Variants in CCND3 observed in about 807,000 individuals in gnomAD.
CCND3 encodes G1/S-specific cyclin-D3.
CCND3 carries 9 observed loss-of-function variants against 28.7 expected under a neutral mutation model. The ratio of observed to expected loss-of-function variants is 0.31; its 90% CI spans 0.19 to 0.55. The LOEUF (loss-of-function observed/expected upper bound fraction) is 0.55, where lower values mean the gene tolerates loss of function less well. Ranked by LOEUF, CCND3 falls within the 20% of genes least tolerant of loss-of-function variation. The probability of loss-of-function intolerance (pLI) is 0.93; values close to 1 mark genes in which losing one functional copy is unlikely to be tolerated. For synonymous variants in CCND3, 164 were observed against 163.9 expected (o/e 1.00, Z 0.00); for missense variants, 315 against 385.8 (o/e 0.82, Z 1.54).
At chr6:42,003,103 G>A (rs1242761295) in intron 1 of CCND3, among the ~76,000 whole-genome samples, 1 of 146,650 alleles carries the variant, frequency 6.8e-6, no homozygotes, top group Non-Finnish European at 1.5e-5. Context: ...CAGAGGTTGA[G>A]GTGAGCCAAG....
intron 1 of CCND3, among the ~76,000 whole-genome samples, chr6:42,032,954 G>T (rs1764085275): frequency 6.6e-6 from 1 of 152,136 alleles, no homozygotes; most frequent in Non-Finnish European, 1.5e-5. Context: ...ATATTAGTCA[G>T]TCCACTTCTG....
chr6:41,944,997 C>G (rs1776133736), upstream of CCND3, among the ~76,000 whole-genome samples: 1 of 152,146 alleles, frequency 6.6e-6, no homozygotes, highest in Admixed American at 6.5e-5. Context: ...AGAGGCTCCT[C>G]TTGTTTTTCT....
chr6:42,009,078 T>C (rs1273962726), intron 1 of CCND3, among the ~76,000 whole-genome samples: 1 of 152,078 alleles, frequency 6.6e-6, no homozygotes, highest in Non-Finnish European at 1.5e-5. Context: ...GGGGGAAGGG[T>C]TGTGATTAGA....
chr6:41,936,102 G>C lies in CCND3; in HGVS notation c.717C>G (p.Cys239Trp), dbSNP rs2127389881. The change falls in exon 5 of 5, where the codon TGC becomes TGG. Residue 239 changes from cysteine (C) to tryptophan (W), a missense_variant. Coordinates refer to ENST00000372991, the MANE Select transcript of CCND3 (RefSeq NM_001760.5). This position sits in a 1 kb window ranked among gnomAD's most constrained non-coding sequence, Gnocchi z 4.4. ...LAGITGTEVD[C>W]LRACQEQIEA... ...CGATCTGCTCCTGACAGGCCCGCAG[G>C]CAGTCCTGGGAACATGGGAGAAGAG... The C allele has an allele frequency of 1.3e-6, 2 of 1,589,850 alleles. No homozygotes were observed. The highest frequency in any genetic ancestry group is 1.7e-6 in the Non-Finnish European group (2 of 1,167,194).
intron 1 of CCND3, among the ~76,000 whole-genome samples, chr6:42,038,349 C>A (rs538337758): frequency 1.3e-5 from 2 of 151,840 alleles, no homozygotes; most frequent in Admixed American, 6.6e-5. Flanking sequence ...GACCAGCCTG[C>A]GCAACATGGC....
chr6:41,953,266 CAAAA>C (rs35555377), intron 1 of CCND3, among the ~76,000 whole-genome samples: 5 of 140,594 alleles, frequency 3.6e-5, no homozygotes, highest in Middle Eastern at 3.4e-3. Context: ...CTCCCTCTCA[CAAAA>C]AAAAAAAAAA....
upstream of CCND3, among the ~76,000 whole-genome samples, chr6:41,942,263 A>G (rs376283633): frequency 6.6e-5 from 10 of 152,306 alleles, no homozygotes; most frequent in East Asian, 1.4e-3. Flanking sequence ...AACCGAGGCA[A>G]CTGTCATTCA....
chr6:41,942,606 G>T (rs774266793), upstream of CCND3, among the ~76,000 whole-genome samples: 1 of 152,130 alleles, frequency 6.6e-6, no homozygotes, highest in Non-Finnish European at 1.5e-5. Flanking sequence ...TCTGTTTGGA[G>T]AAACTGTGGA....
chr6:41,995,115 G>T lies in CCND3; in HGVS notation c.-46+53386C>A, dbSNP rs1762763143. ...ATAAATAAATAAATAAAGTATATTAGTTAAAATTTTTATTTATGCATAAGA... is the reference window on the plus strand; with the variant it reads ...ATAAATAAATAAATAAAGTATATTATTTAAAATTTTTATTTATGCATAAGA... On this transcript the variant is annotated intron_variant, in intron 1 of 4. Transcript: ENST00000372988. Among the ~76,000 whole-genome samples the T allele has an allele frequency of 1.3e-5, 2 of 151,930 alleles. 1 individual carries two copies. The highest frequency in any genetic ancestry group is 4.1e-4 in the South Asian group (2 of 4,828).
intron 1 of CCND3, among the ~76,000 whole-genome samples, chr6:41,960,763 G>A (rs1460125237): frequency 2.0e-5 from 3 of 152,172 alleles, no homozygotes; most frequent in Non-Finnish European, 4.4e-5. Flanking sequence ...AAGATTCAGA[G>A]AGCAAATTAT....
chr6:42,012,818 C>T (rs992958561), intron 1 of CCND3, among the ~76,000 whole-genome samples: 4 of 152,150 alleles, frequency 2.6e-5, no homozygotes, highest in African/African-American at 9.7e-5. Context: ...ATAAATTGAT[C>T]CAAGCTTCTA....
At chr6:42,043,619 G>T (rs1318133157) in intron 1 of CCND3, among the ~76,000 whole-genome samples, 1 of 151,834 alleles carries the variant, frequency 6.6e-6, no homozygotes, top group Non-Finnish European at 1.5e-5. Flanking sequence ...GATCAACTCT[G>T]CCTGGGAAGT....
At chr6:42,042,582 A>C (rs903837923) in intron 1 of CCND3, among the ~76,000 whole-genome samples, 1 of 151,808 alleles carries the variant, frequency 6.6e-6, no homozygotes, top group African/African-American at 2.4e-5. Flanking sequence ...GTGGTCTCGA[A>C]CTCCTGGCCT....
chr6:41,961,523 C>T (rs974976161), intron 1 of CCND3, among the ~76,000 whole-genome samples: 6 of 152,054 alleles, frequency 3.9e-5, no homozygotes, highest in Non-Finnish European at 5.9e-5. Context: ...GCCGAGATAG[C>T]GCCACTGCAC....
upstream of CCND3, among the ~76,000 whole-genome samples, chr6:41,944,584 G>A (rs1378903302): frequency 6.6e-6 from 1 of 152,026 alleles, no homozygotes; most frequent in African/African-American, 2.4e-5. Flanking sequence ...ACCATGCCCG[G>A]CTAATTTTTG....
intron 1 of CCND3, among the ~76,000 whole-genome samples, chr6:41,960,320 A>G (rs1226284674): frequency 1.3e-5 from 2 of 152,244 alleles, no homozygotes; most frequent in African/African-American, 2.4e-5. Flanking sequence ...TTATGGTAGT[A>G]GCTACATAGC....
intron 1 of CCND3, among the ~76,000 whole-genome samples, chr6:42,031,869 A>C (rs1764056153): frequency 1.4e-5 from 2 of 146,750 alleles, no homozygotes; most frequent in Admixed American, 6.9e-5. Flanking sequence ...AGCTCACTGC[A>C]ACCTCCGCCT....
At chr6:41,952,071 C>T (rs1776332135) in intron 1 of CCND3, among the ~76,000 whole-genome samples, 1 of 152,162 alleles carries the variant, frequency 6.6e-6, no homozygotes, top group South Asian at 2.1e-4. Flanking sequence ...CTAGATCCCA[C>T]TTGTTAAGTG....
At position 41,935,064 on chromosome 6, in the gene CCND3, CAG is replaced by C. The variant is rs1050187102; in HGVS notation, c.*874_*875del. On this transcript the variant is annotated 3_prime_UTR_variant, in exon 5 of 5. Coordinates refer to ENST00000372991, the MANE Select transcript of CCND3 (RefSeq NM_001760.5). ...AACAGGGCTTGCCTCCCTCTCTAGACAGGGGCTCAGCCACCTCCAGGGCATCC... is the reference window on the plus strand; with the variant it reads ...AACAGGGCTTGCCTCCCTCTCTAGACGGGCTCAGCCACCTCCAGGGCATCC... 12 of 233,234 alleles carry C rather than the reference CAG, an allele frequency of 5.1e-5. No homozygotes were observed. The highest frequency in any genetic ancestry group is 1.7e-4 in the Admixed American group (3 of 17,788). The allele number at this position is 233,234 out of a possible 1,614,324, so 14.4% of individuals were successfully genotyped here. A position where few individuals can be genotyped will look rare whatever the true frequency, so the allele number is the denominator to read the frequency against.
Sources: gnomAD v4.1 joint callset for allele counts (sites outside exome capture counted in the v4.1 genomes callset) on GRCh38, gnomAD v4.1.1 for gene constraint, Gnocchi (gnomAD v3.1) non-coding constraint, MANE v1.5 for transcripts, NCBI Gene and HGNC (gene_info 2026-07-23, HGNC 2026-07-21) for gene names.